The following ADAMTS10 variants were observed in gnomAD, a reference collection of about 807,000 sequenced individuals.
ADAMTS10 encodes A disintegrin and metalloproteinase with thrombospondin motifs 10.
Under a neutral mutation model 135.9 loss-of-function variants are expected in ADAMTS10, and 48 were observed. The observed-to-expected ratio is 0.35, with a 90% CI of 0.28 to 0.45. The LOEUF is 0.45. Ranked by LOEUF, ADAMTS10 falls within the 20% of genes least tolerant of loss-of-function variation. ADAMTS10 has a pLI of 1.00. For synonymous variants in ADAMTS10, 621 were observed against 647.5 expected (o/e 0.96, Z 0.62); for missense variants, 1,131 against 1,565.2 (o/e 0.72, Z 4.68).
intron 4 of ADAMTS10, among the ~76,000 whole-genome samples, chr19:8,604,315 G>A (rs146774986): frequency 0.01 from 1,503 of 149,654 alleles, 21 homozygotes; most frequent in African/African-American, 0.033. Context: ...CTCCTGCCTC[G>A]GCCTCCCAAA....
At chr19:8,592,126 G>T (rs1053838160) in intron 13 of ADAMTS10, 23 bp from the exon 14 acceptor site, 1 of 1,613,450 alleles carries the variant, frequency 6.2e-7, no homozygotes, top group East Asian at 2.2e-5. Flanking sequence ...AGACAGGAAG[G>T]AGTGAGTCCA....
At chr19:8,599,030 A>T (rs923222862) in intron 6 of ADAMTS10, among the ~76,000 whole-genome samples, 6 of 152,052 alleles carry the variant, frequency 3.9e-5, no homozygotes, top group Non-Finnish European at 8.8e-5. Flanking sequence ...CAAGAGCACC[A>T]TTCATCAAGC....
Position 8,584,934 on chromosome 19 carries a change from C to T in ADAMTS10, c.3163G>A (p.Ala1055Thr), listed in dbSNP as rs1555736427. 4 of 1,548,772 alleles carry T rather than the reference C, an allele frequency of 2.6e-6. No homozygotes were observed. The South Asian group carries it at 3.6e-5, about 14-fold the overall frequency. The change falls in exon 25 of 26, where the codon GCC (alanine) becomes ACC (threonine). Residue 1055 changes from alanine to threonine, a missense_variant. This residue lies in a region of ADAMTS10 where 745 missense variants were observed against 1,056.3 expected (regional missense o/e 0.71). Transcript: ENST00000597188. ...CCGGGGGTTGGGCTGTCGCACTTGGCCTCACACTGCTGCGTGGTGGGCGGC... is the reference window on the plus strand; with the variant it reads ...CCGGGGGTTGGGCTGTCGCACTTGGTCTCACACTGCTGCGTGGTGGGCGGC... ...LRPPTTQQCE[A>T]KCDSPTPGDG...
At chr19:8,599,313 G>T (rs782765642) in intron 6 of ADAMTS10, among the ~76,000 whole-genome samples, 28 of 137,148 alleles carry the variant, frequency 2.0e-4, no homozygotes, top group Non-Finnish European at 4.1e-4. Context: ...ACGAGTACCT[G>T]TGAGCTACCT....
intron 5 of ADAMTS10, among the ~76,000 whole-genome samples, chr19:8,602,188 G>A (rs965329423): frequency 3.9e-5 from 6 of 152,090 alleles, no homozygotes; most frequent in Non-Finnish European, 8.8e-5. Flanking sequence ...CTGTGACATC[G>A]TACGTCATCC....
At chr19:8,610,286 A>G (rs1315674575) in intron 1 of ADAMTS10, among the ~76,000 whole-genome samples, 2 of 151,046 alleles carry the variant, frequency 1.3e-5, no homozygotes, top group Non-Finnish European at 3.0e-5. Context: ...ACACACACAC[A>G]CTCGCCTCCA....
At chr19:8,584,296 G>A (rs1555736330) in intron 25 of ADAMTS10, among the ~76,000 whole-genome samples, 2 of 152,034 alleles carry the variant, frequency 1.3e-5, no homozygotes, top group African/African-American at 4.8e-5. Context: ...AATGTCTGGA[G>A]ACGTTTTTAG....
At position 8,586,821 on chromosome 19, in the gene ADAMTS10, T is replaced by A; in HGVS notation, c.2234A>T (p.His745Leu). The change falls in exon 19 of 26, where the codon CAC (histidine) becomes CTC (leucine). Residue 745 changes from histidine (H) to leucine (L), a missense_variant. By Grantham distance (99) the His-to-Leu change is moderately conservative (BLOSUM62 -3). Coordinates refer to ENST00000597188, the MANE Select transcript of ADAMTS10 (RefSeq NM_030957.4). Reference protein sequence around the residue: ...FIQDLNLSLSHLALKGDQESL... With the variant: ...FIQDLNLSLSLLALKGDQESL... ...CCTCCCCACCATCTGCTCACCCAAG[T>A]GACTGAGAGAGAGGTTCAGATCCTG... 6.2e-7 allele frequency: 1 copy of A among 1,614,096 alleles called. No homozygotes were observed. The highest frequency in any genetic ancestry group is 8.5e-7 in the Non-Finnish European group (1 of 1,180,010).
intron 12 of ADAMTS10, 34 bp downstream of exon 12, chr19:8,595,728 C>G (rs782029670): frequency 5.0e-6 from 8 of 1,607,700 alleles, no homozygotes. Flanking sequence ...GCCCCCTCCC[C>G]TCCCAGGAAG....
At chr19:8,581,872 A>G (rs2042356896) in intron 25 of ADAMTS10, among the ~76,000 whole-genome samples, 1 of 151,676 alleles carries the variant, frequency 6.6e-6, no homozygotes, top group Non-Finnish European at 1.5e-5. Flanking sequence ...AAAAAAAAAA[A>G]AAGGAAAAAT....
intron 6 of ADAMTS10, among the ~76,000 whole-genome samples, chr19:8,599,219 G>A (rs1194858979): frequency 6.6e-6 from 1 of 152,106 alleles, no homozygotes; most frequent in Non-Finnish European, 1.5e-5. Context: ...GGGGAGGTCA[G>A]CCTGTAGGAA....
At chr19:8,609,358 C>T (rs2042756008) in intron 1 of ADAMTS10, among the ~76,000 whole-genome samples, 1 of 151,702 alleles carries the variant, frequency 6.6e-6, no homozygotes, top group Non-Finnish European at 1.5e-5. Flanking sequence ...GAAATGCCTC[C>T]GGGAAATGGA....
chr19:8,601,135 C>T lies in ADAMTS10; in HGVS notation c.603G>A (p.Pro201=), dbSNP rs782414250. 30 of 1,613,600 alleles carry T rather than the reference C, an allele frequency of 1.9e-5. No homozygotes were observed. The highest frequency in any genetic ancestry group is 5.0e-5 in the Admixed American group (3 of 60,020). ...GCAGCCACCATGGCCGCCCTTTCCA[C>T]GGTTTCTCATCTGGGGAACCCAGTA... ...DTACGVRDEK[P]WKGRPWWLRT... Residue 201 remains proline (P), a synonymous_variant, in exon 6 of 26, where the codon CCG becomes CCA. Coordinates refer to ENST00000597188, the MANE Select transcript of ADAMTS10 (RefSeq NM_030957.4). This position sits in a 1 kb window ranked among gnomAD's most constrained non-coding sequence, Gnocchi z 4.6.
At chr19:8,603,467 T>C (rs149926968) in intron 5 of ADAMTS10, among the ~76,000 whole-genome samples, 1 of 152,042 alleles carries the variant, frequency 6.6e-6, no homozygotes, top group Non-Finnish European at 1.5e-5. Flanking sequence ...AGAGATGGGG[T>C]TTCGCCATGT....
In ADAMTS10 at chr19:8,584,793, G is replaced by A. The variant is rs1161443517; in HGVS notation, c.3202+102C>T. 6.1e-6 allele frequency: 9 copies of A among 1,468,694 alleles called. No individual in the cohort carries two copies. In the East Asian group the frequency reaches 1.0e-4, roughly 16 times the overall value. 91.0% of individuals were successfully genotyped at this position (1,468,694 alleles called of 1,614,324 possible). ...GGCAGAGACACAGCAATGCATTTCC[G>A]AGGTTCCAGAAGTTCTAGGATGAAG... On this transcript the variant is annotated intron_variant, in intron 25 of 25. Transcript: ENST00000597188.
intron 6 of ADAMTS10, among the ~76,000 whole-genome samples, chr19:8,600,398 T>A (rs1409507121): frequency 6.6e-6 from 1 of 152,164 alleles, no homozygotes; most frequent in Non-Finnish European, 1.5e-5. Context: ...CTCCTCCTCG[T>A]TCATTGCCAT....
chr19:8,606,089 G>A (rs62119443), intron 2 of ADAMTS10, among the ~76,000 whole-genome samples: 5 of 152,150 alleles, frequency 3.3e-5, no homozygotes, highest in African/African-American at 9.7e-5. Context: ...GAGACAGGGC[G>A]TTGCTCTGTC....
At chr19:8,598,330 T>A (rs2042627448) in intron 6 of ADAMTS10, among the ~76,000 whole-genome samples, 1 of 151,764 alleles carries the variant, frequency 6.6e-6, no homozygotes, top group South Asian at 2.1e-4. Flanking sequence ...AGCATCTTTG[T>A]CCAGAGGCGA....
In ADAMTS10 at chr19:8,600,970, C is replaced by A. The variant is rs200589780; in HGVS notation, c.768G>T (p.Gly256=). The A allele has an allele frequency of 9.3e-6, 15 of 1,614,056 alleles. No individual in the cohort carries two copies. Among genetic ancestry groups the A allele is most frequent in the African/African-American group, 1.3e-5 (1 of 74,944 alleles). ...VADKMMVAYH[G]RRDVEQYVLA... is the part of the protein sequence containing the mutation. ...GGACATACTGCTCCACATCCCGGCG[C>A]CCGTGATAGGCCACCATCATCTTGT... is the stretch of plus-strand genomic sequence containing the variant. Residue 256 remains glycine, a synonymous_variant, in exon 6 of 26, where the codon GGG becomes GGT. Transcript: ENST00000597188.
Sources: gnomAD v4.1 joint callset for allele counts (sites outside exome capture counted in the v4.1 genomes callset) on GRCh38, gnomAD v4.1.1 for gene constraint, gnomAD v4.1.1 regional missense constraint, Gnocchi (gnomAD v3.1) non-coding constraint, MANE v1.5 for transcripts, NCBI Gene and HGNC (gene_info 2026-07-23, HGNC 2026-07-21) for gene names.